Variants in SUCO observed in about 807,000 individuals in gnomAD.
The protein encoded by SUCO is SUN domain containing ossification factor.
SUCO carries 57 observed loss-of-function variants against 148.1 expected under a neutral mutation model. That is an observed-to-expected ratio of 0.38 (90% CI 0.31 to 0.48). The LOEUF (loss-of-function observed/expected upper bound fraction) is 0.48, where lower values mean the gene tolerates loss of function less well. SUCO is among the 20% of genes least tolerant of loss of function. SUCO has a pLI of 0.96. For missense variants in SUCO, 1,331 were observed against 1,468.2 expected (o/e 0.91, Z 1.53); for synonymous variants, 470 against 502.7 (o/e 0.93, Z 0.87).
At chr1:172,575,743 T>G in intron 11 of SUCO, 120 bp downstream of exon 11, 1 of 546,442 alleles carries the variant, frequency 1.8e-6, no homozygotes, top group Non-Finnish European at 3.2e-6. Context: ...CTATACCACT[T>G]AATAGATAAT....
At chr1:172,540,544 A>T (rs1176651461) in intron 1 of SUCO, among the ~76,000 whole-genome samples, 1 of 152,228 alleles carries the variant, frequency 6.6e-6, no homozygotes, top group African/African-American at 2.4e-5. Context: ...CTTGATTTGA[A>T]TGTTAATAAA....
At chr1:172,572,982 A>G (rs1036342554) in intron 9 of SUCO, among the ~76,000 whole-genome samples, 2 of 152,202 alleles carry the variant, frequency 1.3e-5, no homozygotes, top group African/African-American at 4.8e-5. Context: ...AAGCAGCAAT[A>G]TTTTTGGCAT....
intron 1 of SUCO, among the ~76,000 whole-genome samples, chr1:172,537,213 A>G (rs1652090660): frequency 6.6e-6 from 1 of 152,214 alleles, no homozygotes; most frequent in South Asian, 2.1e-4. Context: ...AGTTATGTAC[A>G]TGTGCCAATA....
rs200232478 is a variant in SUCO, at chr1:172,555,901, G to A, written c.321G>A (p.Val107=). Residue 107 remains valine (V), a synonymous_variant, in exon 4 of 24, where the codon GTG becomes GTA. Coordinates refer to ENST00000263688, the MANE Select transcript of SUCO (RefSeq NM_014283.5). ...AGTCAAAAAAGTTAAGTCCACCGGT[G>A]GTGGAGACACTCCCTACAGTTGATT... ...NTESKKLSPP[V]VETLPTVDLH... is the part of the protein sequence containing the mutation. The A allele has an allele frequency of 6.8e-6, 11 of 1,612,442 alleles. No individual in the cohort carries two copies. The African/African-American group carries it at 1.1e-4, about 16-fold the overall frequency.
At chr1:172,607,591 C>G (rs1220250617) in intron 22 of SUCO, among the ~76,000 whole-genome samples, 2 of 151,706 alleles carry the variant, frequency 1.3e-5, no homozygotes, top group African/African-American at 4.8e-5. Context: ...ACTTGACTGT[C>G]CGGGTTCCCA....
At chr1:172,577,019 A>C (rs1019614425) in intron 11 of SUCO, 2 of 775,120 alleles carry the variant, frequency 2.6e-6, no homozygotes, top group Non-Finnish European at 3.1e-6. Context: ...ATAGCATACC[A>C]AAAATTCATA....
intron 1 of SUCO, among the ~76,000 whole-genome samples, chr1:172,544,864 C>T (rs989582923): frequency 6.6e-6 from 1 of 152,120 alleles, no homozygotes; most frequent in African/African-American, 2.4e-5. Context: ...TGATAATTTA[C>T]TGTTAGATTT....
chr1:172,597,446 T>C (rs1293624471), intron 19 of SUCO, among the ~76,000 whole-genome samples: 1 of 152,226 alleles, frequency 6.6e-6, no homozygotes, highest in Non-Finnish European at 1.5e-5. Flanking sequence ...GCATTATTCA[T>C]AGTACATTGT....
chr1:172,603,624 TATA>T (rs1289515258), intron 22 of SUCO, among the ~76,000 whole-genome samples: 1 of 152,008 alleles, frequency 6.6e-6, no homozygotes, highest in African/African-American at 2.4e-5. Flanking sequence ...TATGTCTTTT[TATA>T]AGTGAAATTT....
chr1:172,586,168 G>C (rs1656226774), intron 17 of SUCO, among the ~76,000 whole-genome samples: 1 of 151,888 alleles, frequency 6.6e-6, no homozygotes, highest in South Asian at 2.1e-4. Flanking sequence ...CTTTTTTTGG[G>C]GGGGGTATTA....
Position 172,570,101 on chromosome 1 carries a change from A to G in SUCO, c.911A>G (p.Gln304Arg). The G allele has an allele frequency of 6.3e-7, 1 of 1,595,570 alleles. No homozygotes were observed. Among genetic ancestry groups the G allele is most frequent in the Non-Finnish European group, 8.6e-7 (1 of 1,169,340 alleles). The change falls in exon 8 of 24, where the codon CAG (glutamine) becomes CGG (arginine). Residue 304 changes from glutamine to arginine, a missense_variant. Transcript: ENST00000263688. ...NGGSHATKKV[Q>R]KNRNNYASVE... ...GGTTCACATGCCACCAAAAAGGTCC[A>G]GAAAAATCGAAATAATTATGCCTCA...
Position 172,557,624 on chromosome 1 carries a change from T to C in SUCO, c.582-20T>C, listed in dbSNP as rs893027768. ...TCCAGTAAAATCTGTTTATTTAATA[T>C]ATCTTTTGGTTTTAAACAGCCTTGT... On this transcript the variant is annotated intron_variant, in intron 5 of 23. Transcript: ENST00000263688. 1 of 1,563,824 alleles carries C rather than the reference T, an allele frequency of 6.4e-7. No homozygotes were observed. The highest frequency in any genetic ancestry group is 2.0e-5 in the Admixed American group (1 of 49,258).
chr1:172,572,170 T>C (rs1454691473), intron 9 of SUCO, among the ~76,000 whole-genome samples: 1 of 141,640 alleles, frequency 7.1e-6, no homozygotes, highest in Non-Finnish European at 1.6e-5. Flanking sequence ...GGAGCCCCTC[T>C]ACCCAGCCAC....
rs532178294 is a variant in SUCO at position 172,558,685 on chromosome 1, A to G, written c.732+891A>G. On this transcript the variant is annotated intron_variant, in intron 6 of 23. Coordinates refer to ENST00000263688, the MANE Select transcript of SUCO (RefSeq NM_014283.5). ...ATAGGAGCTCAGGATTTCATAGTCT[A>G]ACATCTTGAAGGAACTACTTTTCTC... Among the ~76,000 whole-genome samples, 13 of 152,356 alleles carry G rather than the reference A, an allele frequency of 8.5e-5. No individual in the cohort carries two copies. In the South Asian group the frequency reaches 2.5e-3, roughly 29 times the overall value.
chr1:172,604,657 A>C (rs941168620), intron 22 of SUCO, among the ~76,000 whole-genome samples: 7 of 151,832 alleles, frequency 4.6e-5, no homozygotes, highest in African/African-American at 1.7e-4. Context: ...CTCTGTGTCC[A>C]TTAACCAATT....
upstream of SUCO, chr1:172,532,415 G>T (rs1008983622): frequency 2.9e-6 from 4 of 1,368,004 alleles, no homozygotes; most frequent in Admixed American, 4.6e-5. Context: ...CCCGGCAAGC[G>T]GCGAAATTCT....
chr1:172,541,452 C>A (rs979212378), intron 1 of SUCO, among the ~76,000 whole-genome samples: 2 of 152,286 alleles, frequency 1.3e-5, no homozygotes, highest in African/African-American at 4.8e-5. Context: ...TTCTGGATCC[C>A]AAGGGATGAC....
Position 172,570,670 on chromosome 1 carries a change from C to A in SUCO, c.989C>A (p.Ser330Tyr). The change falls in exon 9 of 24, where the codon TCT becomes TAT. Residue 330 changes from serine to tyrosine, a missense_variant. Around this residue, in one of 3 missense-constraint regions of SUCO, gnomAD observed 992 missense variants for 1,093.5 expected, o/e 0.91. Coordinates refer to ENST00000263688, the MANE Select transcript of SUCO (RefSeq NM_014283.5). The part of the protein sequence containing the change: ...LAANPEAKST[S>Y]AILIENMDLY... ...TTCCTCTTTTTAAAATAGAGCACAT[C>A]TGCTATTCTTATAGAAAATATGGAT... The A allele has an allele frequency of 6.3e-7, 1 of 1,595,252 alleles. No individual in the cohort carries two copies. The highest frequency in any genetic ancestry group is 8.6e-7 in the Non-Finnish European group (1 of 1,163,862).
intron 8 of SUCO, chr1:172,570,377 T>TA (rs3833939): frequency 0.21 from 101,217 of 484,332 alleles, 12,036 homozygotes; most frequent in South Asian, 0.24. Context: ...TTTTAACTTT[T>TA]AAAACCCGTA....
Sources: allele counts gnomAD v4.1 joint callset (sites outside exome capture counted in the v4.1 genomes callset), GRCh38; gene constraint gnomAD v4.1.1; regional missense constraint gnomAD v4.1.1; transcripts MANE v1.5; gene names NCBI Gene and HGNC (gene_info 2026-07-23, HGNC 2026-07-21).